The following NR6A1 variants were observed in gnomAD, a reference collection of about 807,000 sequenced individuals.
The protein encoded by NR6A1 is retinoic acid receptor-related testis-associated receptor.
Under a neutral mutation model 59.1 loss-of-function variants are expected in NR6A1, and 7 were observed. The observed-to-expected ratio is 0.12, with a 90% CI of 0.07 to 0.22. NR6A1 has a LOEUF of 0.22. Among genes scored for constraint, NR6A1 ranks in the 10% least tolerant of loss-of-function variants. NR6A1 has a pLI of 1.00. For missense variants in NR6A1, 468 were observed against 611.6 expected, an observed-to-expected ratio of 0.77 and a Z score of 2.48; for synonymous variants, 243 against 236.1, an observed-to-expected ratio of 1.03 and a Z score of -0.27.
chr9:124,650,539 A>G (rs1317512559), intron 2 of NR6A1, among the ~76,000 whole-genome samples: 2 of 152,242 alleles, frequency 1.3e-5, no homozygotes, highest in Non-Finnish European at 1.5e-5. Context: ...CAGTAGGGCA[A>G]CTGTGGTTCA....
chr9:124,732,095 A>T (rs777533531), intron 2 of NR6A1, among the ~76,000 whole-genome samples: 1 of 152,212 alleles, frequency 6.6e-6, no homozygotes, highest in Non-Finnish European at 1.5e-5. Flanking sequence ...CTAAAAATTA[A>T]TAAGTATTAG....
At chr9:124,648,391 T>C (rs1836999511) in intron 2 of NR6A1, among the ~76,000 whole-genome samples, 1 of 152,156 alleles carries the variant, frequency 6.6e-6, no homozygotes. Context: ...CTAAAAAGTA[T>C]TTAATAAAAT....
At chr9:124,740,792 C>G (rs963395507) in intron 1 of NR6A1, among the ~76,000 whole-genome samples, 1 of 152,162 alleles carries the variant, frequency 6.6e-6, no homozygotes, top group Admixed American at 6.5e-5. Flanking sequence ...CCTTGTCTCC[C>G]GTGATCATGA....
chr9:124,716,474 T>TTA (rs1226518123), intron 2 of NR6A1, among the ~76,000 whole-genome samples: 2 of 152,232 alleles, frequency 1.3e-5, no homozygotes, highest in African/African-American at 4.8e-5. Context: ...CATAAAAATT[T>TTA]TAAAGTTCTG....
intron 2 of NR6A1, chr9:124,599,543 G>A (rs932960979): frequency 2.1e-5 from 14 of 655,572 alleles, no homozygotes; most frequent in Non-Finnish European, 3.2e-5. Context: ...CTCAATGGAA[G>A]TATCGTGGTC....
intron 3 of NR6A1, among the ~76,000 whole-genome samples, chr9:124,545,132 A>C (rs1175516401): frequency 1.3e-5 from 2 of 152,250 alleles, no homozygotes; most frequent in African/African-American, 4.8e-5. Context: ...GAATTAAGTA[A>C]GTTAGGGTCC....
chr9:124,717,665 A>T (rs1025026234), intron 2 of NR6A1, among the ~76,000 whole-genome samples: 1 of 152,218 alleles, frequency 6.6e-6, no homozygotes. Flanking sequence ...CATTTATAAA[A>T]ATGCTTAACC....
At chr9:124,675,569 G>GT (rs1368668438) in intron 2 of NR6A1, among the ~76,000 whole-genome samples, 1 of 152,192 alleles carries the variant, frequency 6.6e-6, no homozygotes, top group Non-Finnish European at 1.5e-5. Context: ...AGCTGTAGTT[G>GT]TACCTGCTCT....
Position 124,734,680 on chromosome 9 carries a change from G to A in NR6A1, c.101-1331C>T, listed in dbSNP as rs150259922. ...TGCACTCCAGCCTGGGCAACAGAGC[G>A]AGACGCTGTCTCAAAAAATAAAACA... is the stretch of plus-strand genomic sequence containing the variant. On this transcript the variant is annotated intron_variant, in intron 1 of 9. Coordinates refer to ENST00000487099, the MANE Select transcript of NR6A1 (RefSeq NM_033334.4). Among the ~76,000 whole-genome samples, 846 of 152,128 alleles carry A rather than the reference G, an allele frequency of 5.6e-3. 7 individuals are homozygous for A. Among genetic ancestry groups the A allele is most frequent in the African/African-American group, 0.019 (803 of 41,512 alleles).
At chr9:124,656,329 G>A (rs1190531885) in intron 2 of NR6A1, among the ~76,000 whole-genome samples, 1 of 152,006 alleles carries the variant, frequency 6.6e-6, no homozygotes, top group African/African-American at 2.4e-5. Context: ...CCCAGCCTCA[G>A]GTATTCCTTT....
intron 2 of NR6A1, among the ~76,000 whole-genome samples, chr9:124,697,140 G>A (rs1838792878): frequency 6.6e-6 from 1 of 152,200 alleles, no homozygotes. Flanking sequence ...CACAATGGAA[G>A]AAAGAGGATT....
chr9:124,675,475 G>C (rs1225252270), intron 2 of NR6A1, among the ~76,000 whole-genome samples: 2 of 152,192 alleles, frequency 1.3e-5, no homozygotes, highest in African/African-American at 4.8e-5. Flanking sequence ...TTAGGTGGCA[G>C]ACAGCCAATA....
rs35704226 is a variant in NR6A1 at position 124,700,754 on chromosome 9, CTTTTT to C, written c.142+32549_142+32553del. ...TGCTATCAATAAACATTTACATAGC[CTTTTT>C]TTTTTTTTTTTTTTTTTTTGAGACA... is the stretch of plus-strand genomic sequence containing the variant. On this transcript the variant is annotated intron_variant, in intron 2 of 9. Coordinates refer to ENST00000487099, the MANE Select transcript of NR6A1 (RefSeq NM_033334.4). Among the ~76,000 whole-genome samples, 136 of 91,286 alleles carry C rather than the reference CTTTTT, an allele frequency of 1.5e-3. No individual in the cohort carries two copies. The South Asian group carries it at 0.019, about 13-fold the overall frequency. The allele number at this position is 91,286 out of a possible 152,430, so 59.9% of individuals were successfully genotyped here. A position where few individuals can be genotyped will look rare whatever the true frequency, so the allele number is the denominator to read the frequency against.
At chr9:124,671,100 G>A (rs1353268316) in intron 2 of NR6A1, among the ~76,000 whole-genome samples, 1 of 152,162 alleles carries the variant, frequency 6.6e-6, no homozygotes, top group Non-Finnish European at 1.5e-5. Flanking sequence ...TGATTACCAG[G>A]AACTGGAACG....
intron 3 of NR6A1, among the ~76,000 whole-genome samples, chr9:124,548,395 T>C (rs750544753): frequency 9.2e-5 from 14 of 152,196 alleles, no homozygotes; most frequent in Non-Finnish European, 1.6e-4. Context: ...GGCGGGAGGA[T>C]TGCTTGAGCT....
intron 2 of NR6A1, among the ~76,000 whole-genome samples, chr9:124,629,221 TA>T (rs1836348784): frequency 1.3e-5 from 2 of 152,196 alleles, no homozygotes; most frequent in Non-Finnish European, 2.9e-5. Flanking sequence ...TACAGAACGA[TA>T]AGTAATGAAA....
At chr9:124,643,105 G>GGT (rs1564214872) in intron 2 of NR6A1, among the ~76,000 whole-genome samples, 1 of 140,128 alleles carries the variant, frequency 7.1e-6, no homozygotes, top group East Asian at 2.3e-4. Context: ...CTCGGGTGGG[G>GGT]GGGGGGAACA....
chr9:124,606,696 A>G (rs987748250), intron 2 of NR6A1, among the ~76,000 whole-genome samples: 10 of 152,230 alleles, frequency 6.6e-5, no homozygotes, highest in Non-Finnish European at 4.4e-5. Context: ...CAAACTAACT[A>G]AAATTATCTT....
intron 2 of NR6A1, among the ~76,000 whole-genome samples, chr9:124,673,100 T>C (rs1036325233): frequency 2.6e-5 from 4 of 152,166 alleles, no homozygotes; most frequent in South Asian, 2.1e-4. Flanking sequence ...GGCTAGCGGA[T>C]TGCTTGAGCC....
Sources: allele counts gnomAD v4.1 joint callset (sites outside exome capture counted in the v4.1 genomes callset), GRCh38; gene constraint gnomAD v4.1.1; transcripts MANE v1.5; gene names NCBI Gene and HGNC (gene_info 2026-07-23, HGNC 2026-07-21).